Variants in LMBR1 observed in about 807,000 individuals in gnomAD.
LMBR1 encodes the protein limb region 1 protein homolog.
A neutral mutation model predicts 73.9 loss-of-function variants in LMBR1; 52 were observed. That is an observed-to-expected ratio of 0.70 (90% CI 0.56 to 0.89). The LOEUF (loss-of-function observed/expected upper bound fraction) is 0.89, where lower values mean the gene tolerates loss of function less well. Among genes scored for constraint, LMBR1 ranks in the 40% least tolerant of loss-of-function variants. The pLI is 0.00. For synonymous variants in LMBR1, 215 were observed against 209.4 expected (o/e 1.03, Z -0.23); for missense variants, 539 against 579.8 (o/e 0.93, Z 0.72).
chr7:156,837,642 T>C (rs891206425), intron 1 of LMBR1, among the ~76,000 whole-genome samples: 1 of 152,122 alleles, frequency 6.6e-6, no homozygotes, highest in African/African-American at 2.4e-5. Context: ...TTTTCCACTA[T>C]ATAAAAATTT....
intron 4 of LMBR1, among the ~76,000 whole-genome samples, chr7:156,809,917 G>A (rs1832795557): frequency 6.6e-6 from 1 of 152,076 alleles, no homozygotes; most frequent in Admixed American, 6.5e-5. Flanking sequence ...TGGGTTTATA[G>A]TTCTCATCAA....
chr7:156,826,423 A>T (rs1027048148), intron 4 of LMBR1, among the ~76,000 whole-genome samples, 182 bp downstream of exon 4: 5 of 152,236 alleles, frequency 3.3e-5, no homozygotes, highest in Admixed American at 3.3e-4. Context: ...AAAGTCTTTC[A>T]CAACTAATTA....
intron 1 of LMBR1, among the ~76,000 whole-genome samples, chr7:156,877,880 T>G (rs1308084232): frequency 2.2e-5 from 2 of 90,504 alleles, no homozygotes; most frequent in African/African-American, 8.8e-5. Flanking sequence ...GAGACTCCAC[T>G]CAAAAAAAAA....
intron 4 of LMBR1, among the ~76,000 whole-genome samples, chr7:156,803,250 C>T (rs1303318357): frequency 6.6e-6 from 1 of 151,964 alleles, no homozygotes; most frequent in African/African-American, 2.4e-5. Context: ...GCAACTTACT[C>T]ATCTGACAAA....
chr7:156,752,799 C>CT (rs1821146422), intron 9 of LMBR1, among the ~76,000 whole-genome samples: 1 of 152,078 alleles, frequency 6.6e-6, no homozygotes, highest in African/African-American at 2.4e-5. Flanking sequence ...GTCAGTCAGC[C>CT]AGCTAGGAGT....
chr7:156,754,398 T>C (rs1821479775), intron 9 of LMBR1, among the ~76,000 whole-genome samples: 1 of 152,176 alleles, frequency 6.6e-6, no homozygotes, highest in Non-Finnish European at 1.5e-5. Context: ...AAAGCACTTC[T>C]TGGTGCTGGC....
intron 1 of LMBR1, among the ~76,000 whole-genome samples, chr7:156,869,842 G>A (rs926055708): frequency 2.0e-5 from 3 of 152,114 alleles, no homozygotes; most frequent in Non-Finnish European, 4.4e-5. Context: ...AAAGAGCAGA[G>A]ATAGCTATAC....
intron 1 of LMBR1, among the ~76,000 whole-genome samples, chr7:156,874,369 C>T (rs1227262549): frequency 6.6e-6 from 1 of 152,216 alleles, no homozygotes; most frequent in Non-Finnish European, 1.5e-5. Context: ...AGCCCCGGCT[C>T]CCGCTCGTGC....
intron 4 of LMBR1, chr7:156,822,142 A>G (rs553094970): frequency 4.6e-5 from 7 of 152,366 alleles, no homozygotes; most frequent in Non-Finnish European, 8.8e-5. Flanking sequence ...AAAGTATTAC[A>G]AAACTACAGT....
chr7:156,825,899 CAT>C (rs1835600683), intron 4 of LMBR1, among the ~76,000 whole-genome samples: 1 of 152,234 alleles, frequency 6.6e-6, no homozygotes, highest in Admixed American at 6.5e-5. Flanking sequence ...TTGTACTTGA[CAT>C]AGAGTGTTTT....
chr7:156,800,412 C>T (rs1175976834), intron 4 of LMBR1, among the ~76,000 whole-genome samples: 2 of 143,512 alleles, frequency 1.4e-5, no homozygotes, highest in Admixed American at 7.5e-5. Context: ...CAAACCTGCC[C>T]GGATGGCAGC....
At chr7:156,693,069 CAA>C (rs925639136) in intron 15 of LMBR1, among the ~76,000 whole-genome samples, 1 of 151,016 alleles carries the variant, frequency 6.6e-6, no homozygotes, top group Non-Finnish European at 1.5e-5. Flanking sequence ...GAAAACAAAA[CAA>C]AGAGCAAAAT....
chr7:156,798,960 G>A (rs112636566), intron 4 of LMBR1, among the ~76,000 whole-genome samples: 4,827 of 151,778 alleles, frequency 0.032, 120 homozygotes, highest in South Asian at 0.084. Context: ...TTGGGAGGCC[G>A]AGGCAGGCAG....
In LMBR1 at chr7:156,680,403, A is replaced by AGAGAGAGTGTGTGTGTGTGTGT. The variant is rs1343950098; in HGVS notation, c.*3674_*3675insACACACACACACACACTCTCTC. On this transcript the variant is annotated 3_prime_UTR_variant, in exon 17 of 17. Coordinates refer to ENST00000353442, the MANE Select transcript of LMBR1 (RefSeq NM_022458.4). The stretch of plus-strand genomic sequence containing the variant: ...GAGAGAGAGAGAGAGAGAGAGAGAG[A>AGAGAGAGTGTGTGTGTGTGTGT]GTGTGTGTGTGTGTGTGTGTGTAAT... 5 of 125,068 alleles carry AGAGAGAGTGTGTGTGTGTGTGT rather than the reference A, an allele frequency of 4.0e-5. No individual in the cohort carries two copies. Among genetic ancestry groups the AGAGAGAGTGTGTGTGTGTGTGT allele is most frequent in the African/African-American group, 6.1e-5 (2 of 32,560 alleles). 7.7% of individuals were successfully genotyped at this position (125,068 alleles called of 1,614,324 possible).
chr7:156,779,592 T>C (rs1826754835), intron 5 of LMBR1: 1 of 849,122 alleles, frequency 1.2e-6, no homozygotes, highest in Non-Finnish European at 1.6e-6. Flanking sequence ...TTCTTGGAAT[T>C]TTTGTGCTGG....
intron 4 of LMBR1, among the ~76,000 whole-genome samples, chr7:156,808,524 AT>A (rs1832542807): frequency 6.6e-6 from 1 of 152,092 alleles, no homozygotes; most frequent in African/African-American, 2.4e-5. Context: ...TTTATATTCA[AT>A]TTGATAATCT....
At chr7:156,873,809 A>T (rs1243370190) in intron 1 of LMBR1, among the ~76,000 whole-genome samples, 1 of 152,022 alleles carries the variant, frequency 6.6e-6, no homozygotes, top group African/African-American at 2.4e-5. Flanking sequence ...GAGCAGCTAG[A>T]TACAGAGTGT....
intron 1 of LMBR1, among the ~76,000 whole-genome samples, chr7:156,875,435 G>A (rs1266435864): frequency 1.3e-5 from 2 of 152,138 alleles, no homozygotes; most frequent in African/African-American, 4.8e-5. Context: ...CCTTGCTAGA[G>A]ACCTAGACGT....
chr7:156,750,911 A>T (rs1255010687), intron 9 of LMBR1, among the ~76,000 whole-genome samples: 1 of 152,132 alleles, frequency 6.6e-6, no homozygotes, highest in Non-Finnish European at 1.5e-5. Flanking sequence ...GGAGTTTGAG[A>T]CCAGCCTGGG....
Sources: gnomAD v4.1 joint callset for allele counts (sites outside exome capture counted in the v4.1 genomes callset) on GRCh38, gnomAD v4.1.1 for gene constraint, MANE v1.5 for transcripts, NCBI Gene and HGNC (gene_info 2026-07-23, HGNC 2026-07-21) for gene names.